The following CTNNA1 variants were observed in gnomAD, a reference collection of about 807,000 sequenced individuals.
CTNNA1 encodes the protein catenin alpha 1.
Under a neutral mutation model 98.4 loss-of-function variants are expected in CTNNA1, and 37 were observed. The observed-to-expected ratio is 0.38, with a 90% CI of 0.29 to 0.49. The LOEUF is 0.49. Ranked by LOEUF, CTNNA1 falls within the 20% of genes least tolerant of loss-of-function variation. The pLI is 0.95. For synonymous variants in CTNNA1, 404 were observed against 413.2 expected (o/e 0.98, Z 0.27); for missense variants, 761 against 1,147.2 (o/e 0.66, Z 4.86).
At chr5:138,836,892 TA>T (rs1457987767) in intron 7 of CTNNA1, among the ~76,000 whole-genome samples, 6 of 152,254 alleles carry the variant, frequency 3.9e-5, no homozygotes. Flanking sequence ...TTTTCTTTGA[TA>T]TTTTTTCCCA....
At chr5:138,761,506 C>T (rs539690706) in intron 1 of CTNNA1, among the ~76,000 whole-genome samples, 7 of 152,220 alleles carry the variant, frequency 4.6e-5, no homozygotes, top group Admixed American at 2.0e-4. Context: ...GCTGGGATTG[C>T]GGGCTTTAGC....
chr5:138,884,004 G>A (rs1276742776), intron 7 of CTNNA1, among the ~76,000 whole-genome samples: 1 of 152,158 alleles, frequency 6.6e-6, no homozygotes, highest in East Asian at 1.9e-4. Flanking sequence ...AAATATTCTA[G>A]GGCCCAATAT....
chr5:138,817,133 C>G (rs115038115), intron 5 of CTNNA1, among the ~76,000 whole-genome samples: 1,759 of 152,314 alleles, frequency 0.012, 40 homozygotes, highest in African/African-American at 0.04. Flanking sequence ...TTCAGGTTGG[C>G]TCTTCACTCT....
At position 138,930,514 on chromosome 5, in the gene CTNNA1, T is replaced by C. The variant is rs765413479; in HGVS notation, c.2052T>C (p.Ile684=). ...AQLPQEQKAK[I]AEQVASFQEE... ...TTCCCCAGGAGCAAAAAGCGAAGATTGCGGAACAGGTGGCCAGCTTCCAGG... is the reference window on the plus strand; with the variant it reads ...TTCCCCAGGAGCAAAAAGCGAAGATCGCGGAACAGGTGGCCAGCTTCCAGG... Residue 684 remains isoleucine (I), a synonymous_variant, in exon 15 of 18, where the codon ATT becomes ATC. Coordinates refer to ENST00000302763, the MANE Select transcript of CTNNA1 (RefSeq NM_001903.5). The C allele has an allele frequency of 6.2e-7, 1 of 1,614,000 alleles. No individual in the cohort carries two copies. The highest frequency in any genetic ancestry group is 8.5e-7 in the Non-Finnish European group (1 of 1,179,934).
chr5:138,815,958 T>A (rs1295434157), intron 5 of CTNNA1, among the ~76,000 whole-genome samples: 1 of 152,234 alleles, frequency 6.6e-6, no homozygotes, highest in Non-Finnish European at 1.5e-5. Context: ...CCCAGCCTGA[T>A]GGAAACTTCA....
intron 9 of CTNNA1, among the ~76,000 whole-genome samples, chr5:138,894,071 C>T (rs1298849566): frequency 3.3e-5 from 5 of 151,884 alleles, no homozygotes; most frequent in African/African-American, 1.2e-4. Context: ...GCACCCACCA[C>T]CCTGCCTGGC....
chr5:138,906,771 G>GA (rs954382466), intron 10 of CTNNA1, among the ~76,000 whole-genome samples: 4 of 152,078 alleles, frequency 2.6e-5, no homozygotes, highest in African/African-American at 7.2e-5. Context: ...TATGTGTCCT[G>GA]AAAAAAACCA....
chr5:138,855,618 T>C (rs1372566497), intron 7 of CTNNA1, among the ~76,000 whole-genome samples: 4 of 152,232 alleles, frequency 2.6e-5, no homozygotes, highest in Non-Finnish European at 5.9e-5. Context: ...AGGAGGTGTT[T>C]GGGGAGTCTA....
In CTNNA1 at chr5:138,768,093, T is replaced by G. The variant is rs1246587569; in HGVS notation, c.-2-13830T>G. 2.6e-5 allele frequency among the ~76,000 whole-genome samples: 4 copies of G among 152,352 alleles called. No individual in the cohort carries two copies. The East Asian group carries it at 7.7e-4, about 29-fold the overall frequency. On this transcript the variant is annotated intron_variant, in intron 1 of 17. Coordinates refer to ENST00000302763, the MANE Select transcript of CTNNA1 (RefSeq NM_001903.5). ...ATACCCTTTATGGTTTTTCTTTCTC[T>G]TTTTAAAAATCAGGAATCAATAAAA...
intron 11 of CTNNA1, among the ~76,000 whole-genome samples, chr5:138,920,927 C>T (rs767446435): frequency 5.3e-5 from 8 of 152,108 alleles, no homozygotes; most frequent in Non-Finnish European, 1.2e-4. Flanking sequence ...ACCAAGACCC[C>T]GATGCCAGCA....
At chr5:138,755,845 CTTTTTTTTTTTTTTTTTTTTTTT>C (rs60260246) in intron 1 of CTNNA1, among the ~76,000 whole-genome samples, 22 of 58,464 alleles carry the variant, frequency 3.8e-4, no homozygotes, top group African/African-American at 5.6e-4. Context: ...GGATTTCCTT[CTTTTTTTTTTTTTTTTTTTTTTT>C]TTTTTTTTTT....
chr5:138,850,975 A>G (rs571990226), intron 7 of CTNNA1, among the ~76,000 whole-genome samples: 1 of 152,338 alleles, frequency 6.6e-6, no homozygotes, highest in South Asian at 2.1e-4. Context: ...CATTACCTTA[A>G]GCAGTGGTAA....
At chr5:138,832,686 A>G (rs1761380618) in intron 7 of CTNNA1, among the ~76,000 whole-genome samples, 1 of 152,128 alleles carries the variant, frequency 6.6e-6, no homozygotes, top group South Asian at 2.1e-4. Flanking sequence ...TTCTTCTTCT[A>G]TGCAGAGCAT....
Position 138,874,447 on chromosome 5 carries a change from G to A in CTNNA1, c.1063-11765G>A. On this transcript the variant is annotated intron_variant, in intron 7 of 17. Transcript: ENST00000302763. The surrounding 1 kb of genome is among the most constrained non-coding windows in gnomAD (Gnocchi z 4.1). ...AGTAGAAGAGCAGCTTCTCGCAGCG[G>A]CATTTGGGTGGACACGCCATACCCA... The A allele has an allele frequency of 6.2e-7, 1 of 1,613,714 alleles. No homozygotes were observed. The highest frequency in any genetic ancestry group is 8.5e-7 in the Non-Finnish European group (1 of 1,179,782).
At chr5:138,817,258 C>T (rs1279631165) in intron 5 of CTNNA1, among the ~76,000 whole-genome samples, 2 of 152,130 alleles carry the variant, frequency 1.3e-5, no homozygotes, top group Non-Finnish European at 1.5e-5. Flanking sequence ...TAGAAATCTG[C>T]GTTATTCTAA....
At chr5:138,814,096 T>C (rs1759154088) in intron 5 of CTNNA1, among the ~76,000 whole-genome samples, 1 of 152,194 alleles carries the variant, frequency 6.6e-6, no homozygotes, top group Non-Finnish European at 1.5e-5. Context: ...CAGTAGGCAG[T>C]TGGTGAATAA....
intron 3 of CTNNA1, among the ~76,000 whole-genome samples, chr5:138,784,737 G>T (rs1301606640): frequency 1.3e-5 from 2 of 152,194 alleles, no homozygotes; most frequent in Non-Finnish European, 2.9e-5. Flanking sequence ...GACTTAGGAA[G>T]AATCTGTGGA....
At chr5:138,780,346 C>T (rs825768) in intron 1 of CTNNA1, among the ~76,000 whole-genome samples, 1 of 150,348 alleles carries the variant, frequency 6.7e-6, no homozygotes, top group South Asian at 2.1e-4. Context: ...CCCGCCACTG[C>T]GCCTGGCTAA....
At chr5:138,872,057 TGTGTGTGTGTGC>T (rs202209409) in intron 7 of CTNNA1, 27,049 of 146,124 alleles carry the variant, frequency 0.19, 2,436 homozygotes, top group Middle Eastern at 0.26. Context: ...TGTGTGTGTG[TGTGTGTGTGTGC>T]GCTTTTAAAT....
Sources: allele counts gnomAD v4.1 joint callset (sites outside exome capture counted in the v4.1 genomes callset), GRCh38; gene constraint gnomAD v4.1.1; non-coding constraint Gnocchi (gnomAD v3.1); transcripts MANE v1.5; gene names NCBI Gene and HGNC (gene_info 2026-07-23, HGNC 2026-07-21).